The following STAT1 variants were observed in gnomAD, a reference collection of about 807,000 sequenced individuals.
STAT1 encodes signal transducer and activator of transcription 1.
A neutral mutation model predicts 111.7 loss-of-function variants in STAT1; 24 were observed. That is an observed-to-expected ratio of 0.21 (90% CI 0.16 to 0.30). The LOEUF is 0.30. Ranked by LOEUF, STAT1 falls within the 10% of genes least tolerant of loss-of-function variation. The pLI, the probability that STAT1 is intolerant of heterozygous loss-of-function variation, is 1.00. For missense variants in STAT1, 351 were observed against 911.9 expected (o/e 0.38, Z 7.92); for synonymous variants, 332 against 326.5 (o/e 1.02, Z -0.18).
rs187218475 is a variant in STAT1 at position 190,987,118 on chromosome 2, A to T, written c.1098-50T>A. 2 of 1,368,302 alleles carry T rather than the reference A, an allele frequency of 1.5e-6. No homozygotes were observed. The highest frequency in any genetic ancestry group is 1.4e-5 in the African/African-American group (1 of 69,518). 84.8% of individuals were successfully genotyped at this position (1,368,302 alleles called of 1,614,324 possible). Reference sequence around the variant, plus strand: ...CATATGCGTATTTAAAATTTGAAATAAGCTTTAACAAAATTATAAGAGTAT... The same window carrying T: ...CATATGCGTATTTAAAATTTGAAATTAGCTTTAACAAAATTATAAGAGTAT... On this transcript the variant is annotated intron_variant, in intron 12 of 24. Coordinates refer to ENST00000361099, the MANE Select transcript of STAT1 (RefSeq NM_007315.4). The surrounding 1 kb of genome is among the most constrained non-coding windows in gnomAD (Gnocchi z 4.0).
chr2:190,997,787 CA>C lies in STAT1; in HGVS notation c.785+68del, dbSNP rs1479565727. 69 of 1,606,984 alleles carry C rather than the reference CA, an allele frequency of 4.3e-5. No homozygotes were observed. The highest frequency in any genetic ancestry group is 5.2e-5 in the Non-Finnish European group (61 of 1,176,352). On this transcript the variant is annotated intron_variant, in intron 9 of 24. Transcript: ENST00000361099. This position sits in a 1 kb window ranked among gnomAD's most constrained non-coding sequence, Gnocchi z 7.3. ...CAGGGTCCATTCAACTAACACAGCT[CA>C]AAGGTACATTTATGTGTTTATGTGG...
chr2:191,005,960 G>T (rs1042190955), intron 5 of STAT1, among the ~76,000 whole-genome samples: 1 of 152,208 alleles, frequency 6.6e-6, no homozygotes, highest in African/African-American at 2.4e-5. Flanking sequence ...TTTTAATGGG[G>T]AGGGAGCTCA....
chr2:191,010,921 G>A (rs527599367), intron 2 of STAT1, among the ~76,000 whole-genome samples: 2 of 152,268 alleles, frequency 1.3e-5, no homozygotes, highest in East Asian at 1.9e-4. Context: ...TTAGGAAAAC[G>A]GAGAGTCTCC....
chr2:190,984,300 A>G lies in STAT1; in HGVS notation c.1347+10T>C, dbSNP rs376263835. The stretch of plus-strand genomic sequence containing the variant: ...TGAAGTTTTCCAACTCGGGACCATA[A>G]AAGTCTTACCTCGAGGTCAATTACC... On this transcript the variant is annotated intron_variant, in intron 16 of 24. Transcript: ENST00000361099. The surrounding 1 kb of genome is among the most constrained non-coding windows in gnomAD (Gnocchi z 5.2). 6.8e-6 allele frequency: 11 copies of G among 1,608,818 alleles called. No homozygotes were observed. The African/African-American group carries it at 1.3e-4, about 20-fold the overall frequency.
Position 191,006,544 on chromosome 2 carries a change from T to C in STAT1, c.372+1019A>G, listed in dbSNP as rs894240041. Reference sequence around the variant, plus strand: ...ACACCTAAACTCCCTCCCTCTCCACTGTCACACAGTTCACTTCGGTAGTTA... The same window carrying C: ...ACACCTAAACTCCCTCCCTCTCCACCGTCACACAGTTCACTTCGGTAGTTA... On this transcript the variant is annotated intron_variant, in intron 5 of 24. Transcript: ENST00000361099. The surrounding 1 kb of genome is among the most constrained non-coding windows in gnomAD (Gnocchi z 4.6). 6.6e-6 allele frequency among the ~76,000 whole-genome samples: 1 copy of C among 152,190 alleles called. No individual in the cohort carries two copies. Among genetic ancestry groups the C allele is most frequent in the African/African-American group, 2.4e-5 (1 of 41,462 alleles).
In STAT1 at chr2:190,997,791, G is replaced by T; in HGVS notation, c.785+65C>A. On this transcript the variant is annotated intron_variant, in intron 9 of 24. Coordinates refer to ENST00000361099, the MANE Select transcript of STAT1 (RefSeq NM_007315.4). This position sits in a 1 kb window ranked among gnomAD's most constrained non-coding sequence, Gnocchi z 7.3. The stretch of plus-strand genomic sequence containing the variant: ...GTCCATTCAACTAACACAGCTCAAA[G>T]GTACATTTATGTGTTTATGTGGTTA... The T allele has an allele frequency of 1.2e-6, 2 of 1,608,160 alleles. No individual in the cohort carries two copies. Among genetic ancestry groups the T allele is most frequent in the Non-Finnish European group, 1.7e-6 (2 of 1,176,712 alleles).
Position 190,974,943 on chromosome 2 carries a change from G to C in STAT1, c.2136-11C>G. The C allele has an allele frequency of 5.0e-6, 8 of 1,603,876 alleles. No individual in the cohort carries two copies. The highest frequency in any genetic ancestry group is 6.8e-6 in the Non-Finnish European group (8 of 1,170,838). ...AGTCTAGAAGGGTGACTAAAATGGG[G>C]AAAAAGAAAAGAGCAATGTCAACAT... On this transcript the variant is annotated splice_polypyrimidine_tract_variant and intron_variant, in intron 23 of 24. Transcript: ENST00000361099. The surrounding 1 kb of genome is among the most constrained non-coding windows in gnomAD (Gnocchi z 4.8).
rs144704615 is a variant in STAT1, at chr2:190,983,717, C to T, written c.1371G>A (p.Val457=). ...TCGGGAGCTGGCTGACGTTGGAGAT[C>T]ACCACAACGGGCAGAGAGGTCGTCT... is the stretch of plus-strand genomic sequence containing the variant. ...DLETTSLPVV[V]ISNVSQLPSG... is the part of the protein sequence containing the mutation. Residue 457 remains valine, a synonymous_variant, in exon 17 of 25, where the codon GTG becomes GTA. Coordinates refer to ENST00000361099, the MANE Select transcript of STAT1 (RefSeq NM_007315.4). This position sits in a 1 kb window ranked among gnomAD's most constrained non-coding sequence, Gnocchi z 5.7. 3.4e-4 allele frequency: 553 copies of T among 1,614,060 alleles called. No homozygotes were observed. The highest frequency in any genetic ancestry group is 4.7e-4 in the Admixed American group (28 of 60,010).
At chr2:191,009,692 T>C (rs997585512) in intron 3 of STAT1, among the ~76,000 whole-genome samples, 184 bp downstream of exon 3, 4 of 152,252 alleles carry the variant, frequency 2.6e-5, no homozygotes, top group Non-Finnish European at 5.9e-5. Flanking sequence ...TACTTAACTT[T>C]GTTGAGACAC....
rs1206307882 is a variant in STAT1, at chr2:190,989,173, T to G, written c.1097+442A>C. On this transcript the variant is annotated intron_variant, in intron 12 of 24. Coordinates refer to ENST00000361099, the MANE Select transcript of STAT1 (RefSeq NM_007315.4). This position sits in a 1 kb window ranked among gnomAD's most constrained non-coding sequence, Gnocchi z 5.0. ...GGCAGCCTGGACGTTCAGCCTCGGG[T>G]TGGATCAGGGGCCTCTCCTTTGGGG... Among the ~76,000 whole-genome samples, 2 of 152,158 alleles carry G rather than the reference T, an allele frequency of 1.3e-5. No individual in the cohort carries two copies. Among genetic ancestry groups the G allele is most frequent in the African/African-American group, 4.8e-5 (2 of 41,434 alleles).
In STAT1 at chr2:191,010,142, A is replaced by C. The variant is rs900719614; in HGVS notation, c.-1-138T>G. The C allele has an allele frequency of 2.7e-6, 3 of 1,108,838 alleles. No individual in the cohort carries two copies. The African/African-American group carries it at 4.8e-5, about 18-fold the overall frequency. 68.7% of individuals were successfully genotyped at this position (1,108,838 alleles called of 1,614,324 possible). On this transcript the variant is annotated intron_variant, in intron 2 of 24. Coordinates refer to ENST00000361099, the MANE Select transcript of STAT1 (RefSeq NM_007315.4). ...AGTTTGTCCCAGGAATATTTTATTT[A>C]AATGGCATTTATAGTCTAAAGCCTG...
At position 190,986,493 on chromosome 2, in the gene STAT1, C is replaced by T. The variant is rs1052620613; in HGVS notation, c.1221+361G>A. Among the ~76,000 whole-genome samples, 4 of 152,180 alleles carry T rather than the reference C, an allele frequency of 2.6e-5. No homozygotes were observed. The highest frequency in any genetic ancestry group is 9.7e-5 in the African/African-American group (4 of 41,438). The stretch of plus-strand genomic sequence containing the variant: ...GGGCTGAGGAGTGAACCCTGGTGTA[C>T]AGGACCACACTTGGATCACAGTCAG... On this transcript the variant is annotated intron_variant, in intron 14 of 24. Coordinates refer to ENST00000361099, the MANE Select transcript of STAT1 (RefSeq NM_007315.4). The surrounding 1 kb of genome is among the most constrained non-coding windows in gnomAD (Gnocchi z 5.0).
rs953468948 is a variant in STAT1 at position 190,996,379 on chromosome 2, G to A, written c.786-1160C>T. On this transcript the variant is annotated intron_variant, in intron 9 of 24. Coordinates refer to ENST00000361099, the MANE Select transcript of STAT1 (RefSeq NM_007315.4). The surrounding 1 kb of genome is among the most constrained non-coding windows in gnomAD (Gnocchi z 4.5). ...CAAAGCCCTGGGACAGCAGCCCTTCGTCAGGAAAGGAGAAGGCAGGATAAC... is the reference window on the plus strand; with the variant it reads ...CAAAGCCCTGGGACAGCAGCCCTTCATCAGGAAAGGAGAAGGCAGGATAAC... 5.3e-5 allele frequency among the ~76,000 whole-genome samples: 8 copies of A among 152,186 alleles called. No homozygotes were observed. Among genetic ancestry groups the A allele is most frequent in the African/African-American group, 9.7e-5 (4 of 41,430 alleles).
intron 10 of STAT1, among the ~76,000 whole-genome samples, chr2:190,992,152 T>C (rs2125050977): frequency 6.6e-6 from 1 of 152,344 alleles, no homozygotes; most frequent in African/African-American, 2.4e-5. Context: ...AAGAAGCTAT[T>C]AATCAGACAG....
chr2:190,989,622 A>G lies in STAT1; in HGVS notation c.1090T>C (p.Phe364Leu), dbSNP rs759722579. The G allele has an allele frequency of 1.3e-4, 198 of 1,559,400 alleles. No individual in the cohort carries two copies. The highest frequency in any genetic ancestry group is 1.6e-4 in the Non-Finnish European group (186 of 1,137,198). The change falls in exon 12 of 25, where the codon TTT (phenylalanine) becomes CTT (leucine). Residue 364 changes from phenylalanine to leucine, a missense_variant. Physicochemically the swap from Phe to Leu is conservative, Grantham distance 22 (BLOSUM62 0). This residue lies in a region of STAT1 where 23 missense variants were observed against 123.1 expected (regional missense o/e 0.19). Coordinates refer to ENST00000361099, the MANE Select transcript of STAT1 (RefSeq NM_007315.4). This position sits in a 1 kb window ranked among gnomAD's most constrained non-coding sequence, Gnocchi z 5.0. ...LNYNLKVKVL[F>L]DKDVNERNTV... is the part of the protein sequence containing the mutation. ...ATGTTAAAGATATCTTACTTATCAA[A>G]TAAGACTTTGACTTTCAAATTATAA...
Position 190,975,988 on chromosome 2 carries a change from C to CGTGTCT in STAT1, c.2060-102_2060-101insAGACAC, listed in dbSNP as rs2124997303. 9.5e-7 allele frequency: 1 copy of CGTGTCT among 1,056,266 alleles called. No individual in the cohort carries two copies. Among genetic ancestry groups the CGTGTCT allele is most frequent in the East Asian group, 2.5e-5 (1 of 39,338 alleles). The allele number at this position is 1,056,266 out of a possible 1,614,324, so 65.4% of individuals were successfully genotyped here. On this transcript the variant is annotated intron_variant, in intron 22 of 24. Coordinates refer to ENST00000361099, the MANE Select transcript of STAT1 (RefSeq NM_007315.4). This position sits in a 1 kb window ranked among gnomAD's most constrained non-coding sequence, Gnocchi z 5.9. ...ATTAAAGTTCTACTGTGTTTCTAGACAGCTTAGCCTCCTAAAACTTTAAGG... is the reference window on the plus strand; with the variant it reads ...ATTAAAGTTCTACTGTGTTTCTAGACGTGTCTAGCTTAGCCTCCTAAAACTTTAAGG...
Position 190,977,985 on chromosome 2 carries a change from A to G in STAT1, c.1873+871T>C, listed in dbSNP as rs1382793217. ...AGAACAAGAAAGAATACCGTTCCAG[A>G]AAAAAAAAATAGAAGAGTATTCCAG... On this transcript the variant is annotated intron_variant, in intron 21 of 24. Coordinates refer to ENST00000361099, the MANE Select transcript of STAT1 (RefSeq NM_007315.4). The surrounding 1 kb of genome is among the most constrained non-coding windows in gnomAD (Gnocchi z 4.7). Among the ~76,000 whole-genome samples the G allele has an allele frequency of 1.3e-5, 2 of 150,290 alleles. No individual in the cohort carries two copies. Among genetic ancestry groups the G allele is most frequent in the Non-Finnish European group, 3.0e-5 (2 of 67,390 alleles).
rs1692049466 is a variant in STAT1 at position 190,978,055 on chromosome 2, A to G, written c.1873+801T>C. Among the ~76,000 whole-genome samples the G allele has an allele frequency of 2.0e-5, 3 of 152,306 alleles. No homozygotes were observed. In the South Asian group the frequency reaches 6.2e-4, roughly 32 times the overall value. ...AGAGTATGGCAGAAAAACAAATAGA[A>G]TAAGAGTATTCCAGAAAAACAGGAG... On this transcript the variant is annotated intron_variant, in intron 21 of 24. Transcript: ENST00000361099. This position sits in a 1 kb window ranked among gnomAD's most constrained non-coding sequence, Gnocchi z 6.1.
chr2:191,000,666 G>C lies in STAT1; in HGVS notation c.462+408C>G, dbSNP rs1245640711. Among the ~76,000 whole-genome samples the C allele has an allele frequency of 6.6e-6, 1 of 152,166 alleles. No individual in the cohort carries two copies. On this transcript the variant is annotated intron_variant, in intron 6 of 24. Transcript: ENST00000361099. The surrounding 1 kb of genome is among the most constrained non-coding windows in gnomAD (Gnocchi z 4.8). ...GTATCCAAATTTCTTTCAATAAAAT[G>C]TATTTTTGTTCCTCTTCCAAGTCTT...
Sources: allele counts gnomAD v4.1 joint callset (sites outside exome capture counted in the v4.1 genomes callset), GRCh38; gene constraint gnomAD v4.1.1; regional missense constraint gnomAD v4.1.1; non-coding constraint Gnocchi (gnomAD v3.1); transcripts MANE v1.5; gene names NCBI Gene and HGNC (gene_info 2026-07-23, HGNC 2026-07-21).